CLSTN2: variants seen among roughly 807,000 people sequenced by gnomAD.
CLSTN2 encodes the protein calsyntenin-2.
CLSTN2 carries 48 observed loss-of-function variants against 101.2 expected under a neutral mutation model. The ratio of observed to expected loss-of-function variants is 0.47; its 90% CI spans 0.38 to 0.60. The LOEUF (loss-of-function observed/expected upper bound fraction) is 0.60, where lower values mean the gene tolerates loss of function less well. Ranked by LOEUF, CLSTN2 falls within the 20% of genes least tolerant of loss-of-function variation. The probability of loss-of-function intolerance (pLI) is 0.00; values close to 1 mark genes in which losing one functional copy is unlikely to be tolerated. For synonymous variants in CLSTN2, 481 were observed against 463.6 expected (o/e 1.04, Z -0.48); for missense variants, 1,160 against 1,238.2 (o/e 0.94, Z 0.95).
chr3:140,281,392 G>T (rs2086845533), intron 2 of CLSTN2, among the ~76,000 whole-genome samples: 1 of 152,148 alleles, frequency 6.6e-6, no homozygotes, highest in African/African-American at 2.4e-5. Flanking sequence ...AAAAATATTA[G>T]CTCACCCTTA....
intron 1 of CLSTN2, among the ~76,000 whole-genome samples, chr3:140,051,578 G>T (rs574706160): frequency 1.3e-5 from 2 of 152,280 alleles, no homozygotes; most frequent in East Asian, 3.9e-4. Context: ...TTATTCACAC[G>T]CGTGTTTCTC....
At chr3:140,002,948 C>G (rs1256876022) in intron 1 of CLSTN2, among the ~76,000 whole-genome samples, 2 of 152,154 alleles carry the variant, frequency 1.3e-5, no homozygotes, top group Non-Finnish European at 2.9e-5. Context: ...CAGTACCATG[C>G]TGTTTTGGTT....
At chr3:140,310,987 C>A (rs1280291891) in intron 2 of CLSTN2, among the ~76,000 whole-genome samples, 1 of 152,148 alleles carries the variant, frequency 6.6e-6, no homozygotes, top group Admixed American at 6.5e-5. Context: ...GCCGAAGGAA[C>A]GGCCTGTGTA....
intron 8 of CLSTN2, among the ~76,000 whole-genome samples, chr3:140,519,087 C>T (rs1257906942): frequency 6.6e-6 from 1 of 152,168 alleles, no homozygotes; most frequent in African/African-American, 2.4e-5. Context: ...TCATTATTTA[C>T]CCAGGAGTCA....
chr3:140,236,071 A>G (rs778495865), intron 2 of CLSTN2, among the ~76,000 whole-genome samples: 1 of 152,138 alleles, frequency 6.6e-6, no homozygotes, highest in Non-Finnish European at 1.5e-5. Context: ...ATAACCCTGT[A>G]AAATCACAGA....
chr3:140,383,193 C>T (rs562714354), intron 2 of CLSTN2, among the ~76,000 whole-genome samples: 1 of 152,268 alleles, frequency 6.6e-6, no homozygotes, highest in African/African-American at 2.4e-5. Flanking sequence ...CTGTATGACA[C>T]TCAGTTGACC....
At chr3:140,317,169 A>T (rs944632456) in intron 2 of CLSTN2, among the ~76,000 whole-genome samples, 21 of 152,168 alleles carry the variant, frequency 1.4e-4, no homozygotes, top group African/African-American at 5.1e-4. Flanking sequence ...ACAAAAAAAC[A>T]ATCTTCATGA....
In CLSTN2 at chr3:140,281,285, T is replaced by C. The variant is rs371978595; in HGVS notation, c.232+105212T>C. On this transcript the variant is annotated intron_variant, in intron 2 of 16. Coordinates refer to ENST00000458420, the MANE Select transcript of CLSTN2 (RefSeq NM_022131.3). The stretch of plus-strand genomic sequence containing the variant: ...TATTTACTTAGTGTCTAAGATGTGG[T>C]AGGTATGGTGGGAGATAACAGGAAG... 8.7e-4 allele frequency among the ~76,000 whole-genome samples: 133 copies of C among 152,308 alleles called. 1 individual carries two copies. In the South Asian group the frequency reaches 0.013, roughly 15 times the overall value.
intron 1 of CLSTN2, among the ~76,000 whole-genome samples, chr3:139,938,170 G>T (rs1299370124): frequency 6.7e-6 from 1 of 149,498 alleles, no homozygotes; most frequent in Non-Finnish European, 1.5e-5. Flanking sequence ...TCAGGAAGGC[G>T]TGTGAAGATT....
chr3:140,422,203 C>G (rs543754668), intron 5 of CLSTN2, among the ~76,000 whole-genome samples: 21 of 152,124 alleles, frequency 1.4e-4, no homozygotes, highest in African/African-American at 5.1e-4. Flanking sequence ...CTCTCTCTCT[C>G]TCTCTCTCTC....
At chr3:140,102,282 GA>G (rs1182973235) in intron 1 of CLSTN2, among the ~76,000 whole-genome samples, 2 of 152,212 alleles carry the variant, frequency 1.3e-5, no homozygotes, top group African/African-American at 4.8e-5. Context: ...CATCCCCAAA[GA>G]GAAGTTGTAC....
intron 2 of CLSTN2, among the ~76,000 whole-genome samples, chr3:140,360,086 A>G (rs1229397496): frequency 6.6e-6 from 1 of 152,146 alleles, no homozygotes; most frequent in African/African-American, 2.4e-5. Context: ...GAACACATTT[A>G]TAATTTAGGA....
chr3:140,569,803 C>T lies in CLSTN2; in HGVS notation c.*3550C>T, dbSNP rs939437077. Reference sequence around the variant, plus strand: ...AAGCGAGTTTCCTGCCTCAGACTCCCGAGTAGCTGGGATTACAGGCATCCA... The same window carrying T: ...AAGCGAGTTTCCTGCCTCAGACTCCTGAGTAGCTGGGATTACAGGCATCCA... On this transcript the variant is annotated 3_prime_UTR_variant, in exon 17 of 17. Coordinates refer to ENST00000458420, the MANE Select transcript of CLSTN2 (RefSeq NM_022131.3). 2.6e-5 allele frequency: 4 copies of T among 152,172 alleles called. No individual in the cohort carries two copies. The highest frequency in any genetic ancestry group is 4.4e-5 in the Non-Finnish European group (3 of 68,058). The allele number at this position is 152,172 out of a possible 1,614,324, so 9.4% of individuals were successfully genotyped here.
chr3:140,170,020 A>T (rs2107824871), intron 1 of CLSTN2, among the ~76,000 whole-genome samples: 1 of 152,334 alleles, frequency 6.6e-6, no homozygotes, highest in Middle Eastern at 3.4e-3. Context: ...AAGAAATTTT[A>T]TGTTTCATTA....
rs764108255 is a variant in CLSTN2, at chr3:140,566,091, G to T, written c.2706G>T (p.Glu902Asp). 6.2e-7 allele frequency: 1 copy of T among 1,613,206 alleles called. No homozygotes were observed. Among genetic ancestry groups the T allele is most frequent in the African/African-American group, 1.3e-5 (1 of 74,890 alleles). The change falls in exon 17 of 17, where the codon GAG (glutamate) becomes GAT (aspartate). Residue 902 changes from glutamate (E) to aspartate (D), a missense_variant. By Grantham distance (45) the Glu-to-Asp change is conservative. Coordinates refer to ENST00000458420, the MANE Select transcript of CLSTN2 (RefSeq NM_022131.3). ...EGPGHGEDET[E>D]GEEEEEAEEE... is the part of the protein sequence containing the mutation. ...CAGGGCATGGGGAAGATGAGACTGAGGGAGAAGAGGAGGAAGAAGCCGAGG... is the reference window on the plus strand; with the variant it reads ...CAGGGCATGGGGAAGATGAGACTGATGGAGAAGAGGAGGAAGAAGCCGAGG...
intron 1 of CLSTN2, among the ~76,000 whole-genome samples, chr3:139,978,335 ACT>A (rs1935855753): frequency 6.6e-6 from 1 of 151,150 alleles, no homozygotes; most frequent in Non-Finnish European, 1.5e-5. Flanking sequence ...CTCATTAAAA[ACT>A]CTCTGATATG....
chr3:140,305,956 G>A (rs1453154288), intron 2 of CLSTN2, among the ~76,000 whole-genome samples: 2 of 151,886 alleles, frequency 1.3e-5, no homozygotes, highest in Admixed American at 1.3e-4. Flanking sequence ...TTTATAATCG[G>A]GTAAGGAATG....
intron 1 of CLSTN2, among the ~76,000 whole-genome samples, chr3:140,083,916 G>T (rs1349379513): frequency 1.3e-5 from 2 of 152,120 alleles, no homozygotes; most frequent in Non-Finnish European, 2.9e-5. Context: ...AGTAAACTTT[G>T]ATCTTCTGCC....
intron 1 of CLSTN2, among the ~76,000 whole-genome samples, chr3:140,035,170 A>G (rs555653687): frequency 6.6e-6 from 1 of 152,372 alleles, no homozygotes; most frequent in South Asian, 2.1e-4. Flanking sequence ...CTGGCAAGCC[A>G]GATTTCCATC....
Sources: allele counts gnomAD v4.1 joint callset (sites outside exome capture counted in the v4.1 genomes callset), GRCh38; gene constraint gnomAD v4.1.1; transcripts MANE v1.5; gene names NCBI Gene and HGNC (gene_info 2026-07-23, HGNC 2026-07-21).